The following PTGES variants were observed in gnomAD, a reference collection of about 807,000 sequenced individuals.
The protein encoded by PTGES is prostaglandin E synthase.
Under a neutral mutation model 11.8 loss-of-function variants are expected in PTGES, and 3 were observed. That is an observed-to-expected ratio of 0.25 (90% confidence interval 0.12 to 0.66). The LOEUF is 0.66. PTGES is among the 30% of genes least tolerant of loss of function. PTGES has a pLI of 0.82. For synonymous variants in PTGES, 94 were observed against 90.4 expected, an observed-to-expected ratio of 1.04 and a Z score of -0.22; for missense variants, 180 against 213.0, an observed-to-expected ratio of 0.85 and a Z score of 0.96.
rs2130948100 is a variant in PTGES, at chr9:129,738,883, C to T, written c.*728G>A. ...AGCACAGTGATTCATGCCTGTCATC[C>T]CAGCACTTTGGGAGGCCGAGGCCGG... is the stretch of plus-strand genomic sequence containing the variant. On this transcript the variant is annotated 3_prime_UTR_variant, in exon 3 of 3. Transcript: ENST00000340607. The surrounding 1 kb of genome is among the most constrained non-coding windows in gnomAD (Gnocchi z 4.2). 1 of 152,486 alleles carries T rather than the reference C, an allele frequency of 6.6e-6. No homozygotes were observed. The highest frequency in any genetic ancestry group is 2.4e-5 in the African/African-American group (1 of 41,550). 9.4% of individuals were successfully genotyped at this position (152,486 alleles called of 1,614,324 possible).
At chr9:129,740,469 G>A (rs1397095807) in intron 2 of PTGES, among the ~76,000 whole-genome samples, 1 of 152,112 alleles carries the variant, frequency 6.6e-6, no homozygotes, top group Non-Finnish European at 1.5e-5. Context: ...ACTACCACCT[G>A]TCCTTTCAGG....
chr9:129,752,708 G>A (rs45445293), intron 1 of PTGES, among the ~76,000 whole-genome samples, 179 bp downstream of exon 1: 3,380 of 152,346 alleles, frequency 0.022, 130 homozygotes, highest in African/African-American at 0.076. Context: ...GAGAGGAGAA[G>A]GTGCAGGCCT....
chr9:129,752,299 C>T (rs919245748), intron 1 of PTGES, among the ~76,000 whole-genome samples: 8 of 152,236 alleles, frequency 5.3e-5, no homozygotes, highest in African/African-American at 1.4e-4. Context: ...ACCAGTGTGA[C>T]GGACGCTACT....
chr9:129,743,013 G>A (rs547764184), intron 2 of PTGES, among the ~76,000 whole-genome samples: 196 of 152,350 alleles, frequency 1.3e-3, no homozygotes, highest in Non-Finnish European at 2.2e-3. Flanking sequence ...GGAACAAGAC[G>A]GGAAGTTCAT....
intron 2 of PTGES, among the ~76,000 whole-genome samples, chr9:129,744,910 T>C (rs1251775733): frequency 6.6e-6 from 1 of 151,942 alleles, no homozygotes; most frequent in East Asian, 1.9e-4. Context: ...GAGTACTTCG[T>C]GGTGCAGCCG....
Position 129,745,271 on chromosome 9 carries a change from A to T in PTGES, c.209+3384T>A, listed in dbSNP as rs2130952312. 1.3e-5 allele frequency among the ~76,000 whole-genome samples: 2 copies of T among 152,316 alleles called. No individual in the cohort carries two copies. The highest frequency in any genetic ancestry group is 4.1e-4 in the South Asian group (2 of 4,822). ...CCGGGAACTCCGGATAGGTATCCTG[A>T]AAAGGTGGCTAGTCCCTGGCTTCTC... is the stretch of plus-strand genomic sequence containing the variant. On this transcript the variant is annotated intron_variant, in intron 2 of 2. Transcript: ENST00000340607. This position sits in a 1 kb window ranked among gnomAD's most constrained non-coding sequence, Gnocchi z 4.2.
rs187036017 is a variant in PTGES at position 129,740,862 on chromosome 9, A to C, written c.210-1002T>G. Among the ~76,000 whole-genome samples, 3 of 152,352 alleles carry C rather than the reference A, an allele frequency of 2.0e-5. No individual in the cohort carries two copies. The East Asian group carries it at 5.8e-4, about 29-fold the overall frequency. ...CCAGGGCATGACCTCCCCCAAGGAC[A>C]GGCCACGCGTGTGAGGTGCAGGAAC... On this transcript the variant is annotated intron_variant, in intron 2 of 2. Coordinates refer to ENST00000340607, the MANE Select transcript of PTGES (RefSeq NM_004878.5).
Position 129,739,527 on chromosome 9 carries a change from T to G in PTGES, c.*84A>C. The G allele has an allele frequency of 6.8e-7, 1 of 1,480,712 alleles. No individual in the cohort carries two copies. Among genetic ancestry groups the G allele is most frequent in the Non-Finnish European group, 9.0e-7 (1 of 1,114,578 alleles). The allele number at this position is 1,480,712 out of a possible 1,614,324, so 91.7% of individuals were successfully genotyped here. On this transcript the variant is annotated 3_prime_UTR_variant, in exon 3 of 3. Transcript: ENST00000340607. The surrounding 1 kb of genome is among the most constrained non-coding windows in gnomAD (Gnocchi z 5.7). ...AACCAGGACTCAGGGCCCACCACAA[T>G]CTGGAAGGAACATCAAGTCCCCAGG...
chr9:129,750,033 G>C (rs1411511910), intron 1 of PTGES, among the ~76,000 whole-genome samples: 1 of 152,200 alleles, frequency 6.6e-6, no homozygotes, highest in Non-Finnish European at 1.5e-5. Flanking sequence ...CGAGTGAGAG[G>C]GAGACCTGGA....
Position 129,748,240 on chromosome 9 carries a change from G to T in PTGES, c.209+415C>A, listed in dbSNP as rs200604444. ...TAAAAAAAAAAAAAAAAAAAAAAAA[G>T]CATAGTACAGACCAGAGGATAAAGG... On this transcript the variant is annotated intron_variant, in intron 2 of 2. Coordinates refer to ENST00000340607, the MANE Select transcript of PTGES (RefSeq NM_004878.5). Among the ~76,000 whole-genome samples, 3 of 108,848 alleles carry T rather than the reference G, an allele frequency of 2.8e-5. No individual in the cohort carries two copies. In the East Asian group the frequency reaches 8.5e-4, roughly 31 times the overall value. 71.4% of individuals were successfully genotyped at this position (108,848 alleles called of 152,430 possible).
intron 2 of PTGES, among the ~76,000 whole-genome samples, chr9:129,744,307 G>T (rs1833029384): frequency 6.6e-6 from 1 of 152,172 alleles, no homozygotes; most frequent in South Asian, 2.1e-4. Context: ...ACGTTATGGG[G>T]CTGGGTGTGG....
intron 2 of PTGES, among the ~76,000 whole-genome samples, chr9:129,748,032 A>G (rs1349146882): frequency 7.1e-6 from 1 of 141,550 alleles, no homozygotes; most frequent in Non-Finnish European, 1.5e-5. Flanking sequence ...AAAAAAAAAA[A>G]AAAAGAGGTA....
Position 129,739,435 on chromosome 9 carries a change from C to CACAT in PTGES, c.*175_*176insATGT. 3.6e-6 allele frequency: 3 copies of CACAT among 838,318 alleles called. No individual in the cohort carries two copies. Among genetic ancestry groups the CACAT allele is most frequent in the Non-Finnish European group, 5.4e-6 (3 of 555,292 alleles). The allele number at this position is 838,318 out of a possible 1,614,324, so 51.9% of individuals were successfully genotyped here. On this transcript the variant is annotated 3_prime_UTR_variant, in exon 3 of 3. Coordinates refer to ENST00000340607, the MANE Select transcript of PTGES (RefSeq NM_004878.5). The surrounding 1 kb of genome is among the most constrained non-coding windows in gnomAD (Gnocchi z 5.7). ...GCTAAGAAACATACACACACACATA[C>CACAT]ACACACACGGGCACACACACAGGCC...
chr9:129,742,280 G>A (rs1234027421), intron 2 of PTGES, among the ~76,000 whole-genome samples: 2 of 146,986 alleles, frequency 1.4e-5, no homozygotes, highest in East Asian at 2.0e-4. Flanking sequence ...AGCCAAGATC[G>A]TGTCACTTCA....
At chr9:129,741,748 A>T (rs910216510) in intron 2 of PTGES, among the ~76,000 whole-genome samples, 3 of 151,880 alleles carry the variant, frequency 2.0e-5, no homozygotes, top group African/African-American at 7.3e-5. Flanking sequence ...TCTACTAAAA[A>T]TACAAAATTA....
At chr9:129,740,993 G>A (rs981274581) in intron 2 of PTGES, among the ~76,000 whole-genome samples, 1 of 152,172 alleles carries the variant, frequency 6.6e-6, no homozygotes, top group Non-Finnish European at 1.5e-5. Flanking sequence ...CCGCTGCAGG[G>A]TCCTCCTCTT....
At chr9:129,752,800 C>T in intron 1 of PTGES, 87 bp downstream of exon 1, 1 of 1,602,464 alleles carries the variant, frequency 6.2e-7, no homozygotes, top group Non-Finnish European at 8.5e-7. Flanking sequence ...ACACCTTGGC[C>T]ATGTTTCCCT....
At chr9:129,743,253 C>T (rs1022075722) in intron 2 of PTGES, among the ~76,000 whole-genome samples, 5 of 152,136 alleles carry the variant, frequency 3.3e-5, no homozygotes, top group South Asian at 2.1e-4. Flanking sequence ...GGGGCCCCTC[C>T]GAGGCCGCAG....
Position 129,745,198 on chromosome 9 carries a change from G to A in PTGES, c.209+3457C>T, listed in dbSNP as rs74965239. ...TTGGGACCACACAGGTAACCCCTCC[G>A]TGCAGTTCCACACACCCAACCTCAG... On this transcript the variant is annotated intron_variant, in intron 2 of 2. Transcript: ENST00000340607. This position sits in a 1 kb window ranked among gnomAD's most constrained non-coding sequence, Gnocchi z 4.2. Among the ~76,000 whole-genome samples the A allele has an allele frequency of 8.9e-3, 1,352 of 152,222 alleles. 13 individuals carry two copies. Among genetic ancestry groups the A allele is most frequent in the Middle Eastern group, 0.048 (14 of 294 alleles).
Sources: gnomAD v4.1 joint callset for allele counts (sites outside exome capture counted in the v4.1 genomes callset) on GRCh38, gnomAD v4.1.1 for gene constraint, Gnocchi (gnomAD v3.1) non-coding constraint, MANE v1.5 for transcripts, NCBI Gene and HGNC (gene_info 2026-07-23, HGNC 2026-07-21) for gene names.